The following DNAH9 variants were observed in gnomAD, a reference collection of about 807,000 sequenced individuals.
DNAH9 encodes dynein axonemal heavy chain 9.
In DNAH9, 345 loss-of-function variants were observed where a neutral mutation model predicts 471.6. That is an observed-to-expected ratio of 0.73 (90% confidence interval 0.67 to 0.80). DNAH9 has a LOEUF of 0.80. Among genes scored for constraint, DNAH9 ranks in the 30% least tolerant of loss-of-function variants. The pLI is 0.00. For synonymous variants in DNAH9, 2,093 were observed against 2,123.6 expected (o/e 0.99, Z 0.40); for missense variants, 5,407 against 5,609.2 (o/e 0.96, Z 1.15).
intron 22 of DNAH9, among the ~76,000 whole-genome samples, chr17:11,699,457 C>T (rs139579264): frequency 2.7e-4 from 41 of 152,302 alleles, no homozygotes; most frequent in African/African-American, 9.9e-4. Flanking sequence ...CTATAGTAGA[C>T]CAATCCAAAT....
chr17:11,954,888 A>C (rs916541013), intron 67 of DNAH9, among the ~76,000 whole-genome samples: 9 of 152,228 alleles, frequency 5.9e-5, no homozygotes, highest in Non-Finnish European at 1.3e-4. Context: ...ATATGTGAGT[A>C]ATATGAAAGA....
Position 11,840,192 on chromosome 17 carries a change from A to T in DNAH9, c.9507+5294A>T, listed in dbSNP as rs191542602. 3.9e-5 allele frequency among the ~76,000 whole-genome samples: 6 copies of T among 152,324 alleles called. No individual in the cohort carries two copies. In the East Asian group the frequency reaches 1.2e-3, roughly 29 times the overall value. On this transcript the variant is annotated intron_variant, in intron 49 of 68. Coordinates refer to ENST00000262442, the MANE Select transcript of DNAH9 (RefSeq NM_001372.4). The stretch of plus-strand genomic sequence containing the variant: ...TGTCCATCGACATTATACAAGAAAG[A>T]CATCCTGCATTTGCAACAACACTAA...
intron 63 of DNAH9, among the ~76,000 whole-genome samples, chr17:11,930,961 G>C (rs542315509): frequency 5.9e-5 from 9 of 152,276 alleles, no homozygotes; most frequent in Admixed American, 2.6e-4. Context: ...GAATTTCAAG[G>C]CTTATGTTGT....
intron 6 of DNAH9, among the ~76,000 whole-genome samples, chr17:11,629,049 AT>A (rs1321445556): frequency 1.3e-5 from 2 of 150,146 alleles, no homozygotes; most frequent in African/African-American, 4.9e-5. Flanking sequence ...AACTTTTCTC[AT>A]TCACTGTTGT....
intron 49 of DNAH9, among the ~76,000 whole-genome samples, chr17:11,847,600 TA>T (rs565342165): frequency 4.3e-4 from 65 of 152,270 alleles, no homozygotes; most frequent in African/African-American, 1.5e-3. Flanking sequence ...ACCAGTGCCA[TA>T]AACAAAATTT....
At position 11,690,546 on chromosome 17, in the gene DNAH9, GACTTT is replaced by G. The variant is rs1038623379; in HGVS notation, c.4614+115_4614+119del. ...CTTTCCTTTTCTGCCTCCTTGCTTTGACTTTACTTAAAGGCACTTCCCACAGATGC... is the reference window on the plus strand; with the variant it reads ...CTTTCCTTTTCTGCCTCCTTGCTTTGACTTAAAGGCACTTCCCACAGATGC... On this transcript the variant is annotated intron_variant, in intron 20 of 68. Coordinates refer to ENST00000262442, the MANE Select transcript of DNAH9 (RefSeq NM_001372.4). 7.4e-6 allele frequency: 8 copies of G among 1,079,598 alleles called. No homozygotes were observed. In the African/African-American group the frequency reaches 1.3e-4, roughly 17 times the overall value. The allele number at this position is 1,079,598 out of a possible 1,614,324, so 66.9% of individuals were successfully genotyped here.
intron 50 of DNAH9, among the ~76,000 whole-genome samples, chr17:11,856,172 G>A (rs1348598861): frequency 6.6e-6 from 1 of 152,158 alleles, no homozygotes; most frequent in African/African-American, 2.4e-5. Flanking sequence ...TCACGGCTGT[G>A]ATCAAGTTCA....
intron 27 of DNAH9, among the ~76,000 whole-genome samples, chr17:11,727,591 G>A (rs2075178174): frequency 6.6e-6 from 1 of 152,112 alleles, no homozygotes; most frequent in African/African-American, 2.4e-5. Flanking sequence ...ATTTTAAAGG[G>A]ATTTTCATCC....
chr17:11,633,322 G>A (rs948965621), intron 8 of DNAH9, among the ~76,000 whole-genome samples: 2 of 152,204 alleles, frequency 1.3e-5, no homozygotes, highest in Non-Finnish European at 2.9e-5. Context: ...CCAGTAGTTG[G>A]TAGAAGTTAC....
At chr17:11,784,031 A>G (rs542507334) in intron 40 of DNAH9, among the ~76,000 whole-genome samples, 3 of 152,184 alleles carry the variant, frequency 2.0e-5, no homozygotes, top group East Asian at 3.9e-4. Flanking sequence ...GATTCTCAGT[A>G]TCAAATTCAG....
At chr17:11,890,042 G>A (rs1051170169) in intron 57 of DNAH9, among the ~76,000 whole-genome samples, 1 of 152,160 alleles carries the variant, frequency 6.6e-6, no homozygotes, top group African/African-American at 2.4e-5. Flanking sequence ...TAAAGAAAAC[G>A]CTAAATGTAC....
chr17:11,656,657 A>T (rs529210429), intron 14 of DNAH9, among the ~76,000 whole-genome samples: 1 of 152,264 alleles, frequency 6.6e-6, no homozygotes, highest in South Asian at 2.1e-4. Flanking sequence ...GAGCTCAGTG[A>T]GTTTTTACAA....
intron 67 of DNAH9, chr17:11,953,780 G>C (rs1278077963): frequency 6.9e-6 from 1 of 144,776 alleles, no homozygotes; most frequent in Non-Finnish European, 1.5e-5. Context: ...AAAAAAATGT[G>C]ATCAATTGAA....
At chr17:11,907,843 A>G (rs1240609404) in intron 61 of DNAH9, among the ~76,000 whole-genome samples, 2 of 152,166 alleles carry the variant, frequency 1.3e-5, no homozygotes, top group African/African-American at 4.8e-5. Flanking sequence ...CCCAGGCCCT[A>G]TGCTTTTGTC....
intron 61 of DNAH9, among the ~76,000 whole-genome samples, chr17:11,911,671 C>G (rs567068382): frequency 6.6e-6 from 1 of 152,108 alleles, no homozygotes; most frequent in Non-Finnish European, 1.5e-5. Flanking sequence ...TAGATAAGAT[C>G]TAGAGAGTAT....
chr17:11,941,702 A>AGATAGAT (rs1048388895), intron 66 of DNAH9, among the ~76,000 whole-genome samples: 4 of 93,154 alleles, frequency 4.3e-5, no homozygotes, highest in African/African-American at 1.7e-4. Context: ...CCGGATAGAT[A>AGATAGAT]GATAGATAGA....
intron 39 of DNAH9, among the ~76,000 whole-genome samples, chr17:11,782,672 G>C (rs190360543): frequency 6.6e-6 from 1 of 152,116 alleles, no homozygotes; most frequent in Non-Finnish European, 1.5e-5. Context: ...CAAGGTGGGC[G>C]AATCACTTGA....
chr17:11,619,524 G>T, intron 5 of DNAH9, 24 bp from the exon 6 acceptor site: 1 of 1,386,826 alleles, frequency 7.2e-7, no homozygotes, highest in South Asian at 1.2e-5. Flanking sequence ...CCTGCTCAGT[G>T]ATACTAATCT....
In DNAH9 at chr17:11,937,503, G is replaced by A. The variant is rs1431679560; in HGVS notation, c.12641G>A (p.Gly4214Asp). The change falls in exon 66 of 69, where the codon GGC becomes GAC. Residue 4214 changes from glycine to aspartate, a missense_variant. By Grantham distance (94) the Gly-to-Asp change is moderately conservative. This residue lies in a region of DNAH9 where 4,636 missense variants were observed against 4,900.3 expected (regional missense o/e 0.95). Coordinates refer to ENST00000262442, the MANE Select transcript of DNAH9 (RefSeq NM_001372.4). This position sits in a 1 kb window ranked among gnomAD's most constrained non-coding sequence, Gnocchi z 4.1. ...PRDSQARDGA[G>D]ATREEKVKAL... Reference sequence around the variant, plus strand: ...GACAGCCAGGCCAGAGACGGAGCGGGCGCCACAAGAGAAGAAAAGGTGTGT... The same window carrying A: ...GACAGCCAGGCCAGAGACGGAGCGGACGCCACAAGAGAAGAAAAGGTGTGT... 1 of 1,612,694 alleles carries A rather than the reference G, an allele frequency of 6.2e-7. No individual in the cohort carries two copies. Among genetic ancestry groups the A allele is most frequent in the African/African-American group, 1.3e-5 (1 of 74,886 alleles).
Sources: allele counts gnomAD v4.1 joint callset (sites outside exome capture counted in the v4.1 genomes callset), GRCh38; gene constraint gnomAD v4.1.1; regional missense constraint gnomAD v4.1.1; non-coding constraint Gnocchi (gnomAD v3.1); transcripts MANE v1.5; gene names NCBI Gene and HGNC (gene_info 2026-07-23, HGNC 2026-07-21).